The following PTPRN2 variants were observed in gnomAD, a reference collection of about 807,000 sequenced individuals.
PTPRN2 encodes protein tyrosine phosphatase receptor type N2.
In PTPRN2, 74 loss-of-function variants were observed where a neutral mutation model predicts 118.8. The observed-to-expected ratio is 0.62, with a 90% CI of 0.52 to 0.76. The LOEUF (loss-of-function observed/expected upper bound fraction) is 0.76. Among genes scored for constraint, PTPRN2 ranks in the 30% least tolerant of loss-of-function variants. The pLI is 0.00. For synonymous variants in PTPRN2, 641 were observed against 608.0 expected (o/e 1.05, Z -0.80); for missense variants, 1,481 against 1,394.4 (o/e 1.06, Z -0.99).
At chr7:157,775,485 G>A (rs755914161) in intron 12 of PTPRN2, among the ~76,000 whole-genome samples, 23 of 152,250 alleles carry the variant, frequency 1.5e-4, no homozygotes, top group Admixed American at 2.0e-4. Flanking sequence ...AGGCGGCAGC[G>A]TGAGAAGCTT....
chr7:158,223,839 T>A (rs1465988118), intron 3 of PTPRN2, among the ~76,000 whole-genome samples: 3 of 151,596 alleles, frequency 2.0e-5, no homozygotes, highest in African/African-American at 7.3e-5. Context: ...AAAAAAAAAA[T>A]AAAAGATATG....
At chr7:158,151,791 C>T (rs1386920968) in intron 6 of PTPRN2, among the ~76,000 whole-genome samples, 1 of 152,222 alleles carries the variant, frequency 6.6e-6, no homozygotes, top group Non-Finnish European at 1.5e-5. Flanking sequence ...GCACCAGCTA[C>T]CTTTGAAGGC....
At chr7:158,020,901 A>G (rs1563334811) in intron 11 of PTPRN2, among the ~76,000 whole-genome samples, 2 of 152,114 alleles carry the variant, frequency 1.3e-5, no homozygotes, top group Admixed American at 6.5e-5. Context: ...GTCCTCACTC[A>G]GGCTCCCCCG....
At chr7:158,289,260 G>C (rs1039691241) in intron 3 of PTPRN2, among the ~76,000 whole-genome samples, 1 of 152,116 alleles carries the variant, frequency 6.6e-6, no homozygotes, top group Non-Finnish European at 1.5e-5. Context: ...TATGCTTTCA[G>C]TCCCTTGGTC....
chr7:158,478,124 A>C (rs193276359), intron 2 of PTPRN2, among the ~76,000 whole-genome samples: 2 of 152,346 alleles, frequency 1.3e-5, no homozygotes, highest in East Asian at 3.9e-4. Context: ...GCACGGCGGC[A>C]AAGAGAGTGG....
intron 1 of PTPRN2, among the ~76,000 whole-genome samples, chr7:158,553,982 G>C (rs922819586): frequency 6.6e-6 from 1 of 150,902 alleles, no homozygotes; most frequent in African/African-American, 2.4e-5. Flanking sequence ...CATAGACTTG[G>C]GGGTCTACAC....
chr7:157,689,390 G>A (rs2150828420), intron 12 of PTPRN2, among the ~76,000 whole-genome samples: 1 of 152,316 alleles, frequency 6.6e-6, no homozygotes, highest in South Asian at 2.1e-4. Context: ...CCCCGGGGCC[G>A]CTGTCCGAGG....
At chr7:158,406,299 G>A (rs1189169686) in intron 2 of PTPRN2, among the ~76,000 whole-genome samples, 3 of 119,040 alleles carry the variant, frequency 2.5e-5, no homozygotes, top group East Asian at 5.0e-4. Flanking sequence ...TGGCTCATCC[G>A]TGAGACATTT....
intron 2 of PTPRN2, among the ~76,000 whole-genome samples, chr7:158,370,640 T>C (rs1809913016): frequency 6.6e-6 from 1 of 151,796 alleles, no homozygotes; most frequent in Admixed American, 6.6e-5. Context: ...TAGTCCCAGC[T>C]ACTCAGGAGG....
At chr7:158,302,008 T>C (rs1463474260) in intron 3 of PTPRN2, among the ~76,000 whole-genome samples, 2 of 152,188 alleles carry the variant, frequency 1.3e-5, no homozygotes, top group Non-Finnish European at 2.9e-5. Context: ...TAGGAAGCTA[T>C]TGATTGCAAG....
chr7:158,160,784 A>T (rs981704897), intron 6 of PTPRN2, among the ~76,000 whole-genome samples: 1 of 152,214 alleles, frequency 6.6e-6, no homozygotes, highest in Non-Finnish European at 1.5e-5. Flanking sequence ...TCATCTGCTC[A>T]TAAGTGTGAT....
At chr7:157,748,490 GCGGAGTGTC>G (rs2150980345) in intron 12 of PTPRN2, among the ~76,000 whole-genome samples, 1 of 148,314 alleles carries the variant, frequency 6.7e-6, no homozygotes, top group African/African-American at 2.5e-5. Context: ...TCCCTGAGCT[GCGGAGTGTC>G]TGGGTGATTC....
chr7:157,922,134 A>G (rs1014443040), intron 11 of PTPRN2, among the ~76,000 whole-genome samples: 1 of 152,248 alleles, frequency 6.6e-6, no homozygotes, highest in African/African-American at 2.4e-5. Context: ...AACTGTAGGT[A>G]AAGGGCATTC....
intron 12 of PTPRN2, among the ~76,000 whole-genome samples, chr7:157,773,569 C>T (rs1803015358): frequency 6.6e-6 from 1 of 152,240 alleles, no homozygotes; most frequent in Non-Finnish European, 1.5e-5. Flanking sequence ...ACATCAGCTT[C>T]ACAAAGATGT....
chr7:158,320,282 C>T (rs916343645), intron 2 of PTPRN2, among the ~76,000 whole-genome samples: 13 of 152,356 alleles, frequency 8.5e-5, no homozygotes, highest in Non-Finnish European at 1.3e-4. Context: ...AAGACCAACA[C>T]GAGTGACTGC....
chr7:158,328,981 A>G (rs1361121144), intron 2 of PTPRN2, among the ~76,000 whole-genome samples: 2 of 151,714 alleles, frequency 1.3e-5, no homozygotes, highest in Non-Finnish European at 2.9e-5. Context: ...TGCAAGCATC[A>G]GGTCTTATGA....
At chr7:157,551,683 C>T (rs557706474) in intron 21 of PTPRN2, among the ~76,000 whole-genome samples, 254 of 141,268 alleles carry the variant, frequency 1.8e-3, no homozygotes, top group African/African-American at 6.4e-3. Context: ...CACCACACAC[C>T]CCACAGCCAC....
chr7:158,283,262 T>C (rs1398542508), intron 3 of PTPRN2, among the ~76,000 whole-genome samples: 2 of 152,170 alleles, frequency 1.3e-5, no homozygotes, highest in Admixed American at 6.5e-5. Context: ...CAAACTCCTA[T>C]GTGGGAAATG....
In PTPRN2 at chr7:158,192,467, T is replaced by C. The variant is rs753131582; in HGVS notation, c.409A>G (p.Arg137Gly). ...GCACCGCCCTCCCGACTGTACCTCC[T>C]CTCGCTGCCAACGCTGTGTTTTGAG... ...RPSKHSVGSE[R>G]RYSREGGAAL... is the part of the protein sequence containing the mutation. The change falls in exon 5 of 23, where the codon AGG becomes GGG. Residue 137 changes from arginine to glycine, a missense_variant. This residue lies in a region of PTPRN2 where 1,115 missense variants were observed against 994.2 expected (regional missense o/e 1.12). Transcript: ENST00000389418. 6.3e-7 allele frequency: 1 copy of C among 1,578,832 alleles called. No individual in the cohort carries two copies.
Sources: allele counts gnomAD v4.1 joint callset (sites outside exome capture counted in the v4.1 genomes callset), GRCh38; gene constraint gnomAD v4.1.1; regional missense constraint gnomAD v4.1.1; transcripts MANE v1.5; gene names NCBI Gene and HGNC (gene_info 2026-07-23, HGNC 2026-07-21).